Variants in WDR25 observed in about 807,000 individuals in gnomAD.
WDR25 encodes WD repeat domain 25, also known as WD repeat-containing protein 25.
A neutral mutation model predicts 47.7 loss-of-function variants in WDR25; 35 were observed. The observed-to-expected ratio is 0.73, with a 90% CI of 0.56 to 0.97. The LOEUF (loss-of-function observed/expected upper bound fraction) is 0.97, where lower values mean the gene tolerates loss of function less well. Ranked by LOEUF, WDR25 falls within the 50% of genes least tolerant of loss-of-function variation. The pLI is 0.00. For missense variants in WDR25, 634 were observed against 704.7 expected, an observed-to-expected ratio of 0.90 and a Z score of 1.14; for synonymous variants, 248 against 278.9, an observed-to-expected ratio of 0.89 and a Z score of 1.10.
At chr14:100,493,199 G>T (rs1312318665) in intron 4 of WDR25, among the ~76,000 whole-genome samples, 2 of 152,176 alleles carry the variant, frequency 1.3e-5, no homozygotes, top group Non-Finnish European at 2.9e-5. Context: ...TTCTTAGTGT[G>T]TTTGCAGGGT....
intron 2 of WDR25, among the ~76,000 whole-genome samples, chr14:100,397,607 T>C (rs1448971062): frequency 6.6e-6 from 1 of 152,160 alleles, no homozygotes; most frequent in African/African-American, 2.4e-5. Context: ...TAAGGTGCTC[T>C]GGGGCATAAA....
At chr14:100,472,306 C>A (rs1899866870) in intron 3 of WDR25, among the ~76,000 whole-genome samples, 2 of 152,254 alleles carry the variant, frequency 1.3e-5, no homozygotes, top group African/African-American at 4.8e-5. Flanking sequence ...GCAGTGCCAC[C>A]TGGGTCTACC....
At chr14:100,403,345 A>G (rs1310296450) in intron 2 of WDR25, among the ~76,000 whole-genome samples, 3 of 152,180 alleles carry the variant, frequency 2.0e-5, no homozygotes, top group African/African-American at 4.8e-5. Flanking sequence ...CTGCCTTTCC[A>G]ACCAAAGCAC....
In WDR25 at chr14:100,502,098, C is replaced by T. The variant is rs1900943389; in HGVS notation, c.1101+17974C>T. 1.3e-5 allele frequency among the ~76,000 whole-genome samples: 2 copies of T among 152,302 alleles called. No individual in the cohort carries two copies. The highest frequency in any genetic ancestry group is 4.1e-4 in the South Asian group (2 of 4,828). The stretch of plus-strand genomic sequence containing the variant: ...TTTGGGCTGTTTGATGGGGCTCACA[C>T]CTAGGAAGGCTGTCCTTGGAGGATA... On this transcript the variant is annotated intron_variant, in intron 4 of 6. Transcript: ENST00000402312. This position sits in a 1 kb window ranked among gnomAD's most constrained non-coding sequence, Gnocchi z 4.5.
chr14:100,397,521 G>C (rs576980785), intron 2 of WDR25, among the ~76,000 whole-genome samples: 2 of 152,182 alleles, frequency 1.3e-5, no homozygotes, highest in African/African-American at 2.4e-5. Context: ...TTCTGGAAAG[G>C]CTCCTGGCTC....
At chr14:100,453,782 C>T (rs1247510253) in intron 2 of WDR25, among the ~76,000 whole-genome samples, 2 of 152,244 alleles carry the variant, frequency 1.3e-5, no homozygotes, top group African/African-American at 4.8e-5. Context: ...ACACTCTCTT[C>T]AGCCCCTTCT....
intron 4 of WDR25, among the ~76,000 whole-genome samples, chr14:100,512,253 A>T (rs1287938662): frequency 6.6e-6 from 1 of 152,158 alleles, no homozygotes. Context: ...GGAAGATTTG[A>T]AATTTTAAAT....
chr14:100,408,459 A>G (rs1359969562), intron 2 of WDR25, among the ~76,000 whole-genome samples: 2 of 152,140 alleles, frequency 1.3e-5, no homozygotes, highest in African/African-American at 4.8e-5. Flanking sequence ...ACAGAAGGCC[A>G]TGTTCTCTAG....
chr14:100,420,299 C>T (rs532746315), intron 2 of WDR25, among the ~76,000 whole-genome samples: 2 of 151,888 alleles, frequency 1.3e-5, no homozygotes, highest in South Asian at 4.1e-4. Flanking sequence ...TTTTACCTTT[C>T]ACTTGTAAGC....
chr14:100,486,983 G>GC (rs1555394419), intron 4 of WDR25, among the ~76,000 whole-genome samples: 1 of 150,834 alleles, frequency 6.6e-6, no homozygotes, highest in Non-Finnish European at 1.5e-5. Context: ...TCTTCTTTCT[G>GC]TTTTTTTTTC....
Position 100,428,052 on chromosome 14 carries a change from C to T in WDR25, c.823-39969C>T, listed in dbSNP as rs78833210. Among the ~76,000 whole-genome samples, 8,995 of 152,312 alleles carry T rather than the reference C, an allele frequency of 0.059. 628 individuals carry two copies. Among genetic ancestry groups the T allele is most frequent in the African/African-American group, 0.17 (7,160 of 41,544 alleles). On this transcript the variant is annotated intron_variant, in intron 2 of 6. Transcript: ENST00000402312. The surrounding 1 kb of genome is among the most constrained non-coding windows in gnomAD (Gnocchi z 4.3). ...CCTGAGACCCTAACACGCTCCCTTT[C>T]CTTTCCTTTTTGAGGGAAGCCAGGT...
chr14:100,473,173 T>C (rs538638601), intron 3 of WDR25, among the ~76,000 whole-genome samples: 48 of 152,218 alleles, frequency 3.2e-4, no homozygotes, highest in Non-Finnish European at 4.3e-4. Flanking sequence ...GGCCCTGGGC[T>C]ATGTGCCCTG....
Position 100,530,155 on chromosome 14 carries a change from T to A in WDR25, c.*114T>A, listed in dbSNP as rs2030421573. On this transcript the variant is annotated 3_prime_UTR_variant, in exon 7 of 7. Coordinates refer to ENST00000402312, the MANE Select transcript of WDR25 (RefSeq NM_001161476.3). ...TTGGCTGTGGGTCCTGGGTACCACC[T>A]TCTGAGCCTCAGTTTCCTCATCTGT... is the stretch of plus-strand genomic sequence containing the variant. 1 of 1,050,524 alleles carries A rather than the reference T, an allele frequency of 9.5e-7. No individual in the cohort carries two copies. The highest frequency in any genetic ancestry group is 1.4e-6 in the Non-Finnish European group (1 of 733,130). The allele number at this position is 1,050,524 out of a possible 1,614,324, so 65.1% of individuals were successfully genotyped here.
intron 2 of WDR25, among the ~76,000 whole-genome samples, chr14:100,450,782 A>G (rs1899003726): frequency 6.6e-6 from 1 of 152,200 alleles, no homozygotes. Context: ...GTCTTAGGAT[A>G]AGAGAGTAGG....
intron 5 of WDR25, among the ~76,000 whole-genome samples, chr14:100,528,471 A>G (rs1408672093): frequency 2.5e-5 from 3 of 120,522 alleles, no homozygotes; most frequent in African/African-American, 1.0e-4. Context: ...GGGTTTTGCC[A>G]TGTTGCCCAG....
intron 4 of WDR25, among the ~76,000 whole-genome samples, chr14:100,517,087 C>T (rs1365891793): frequency 2.0e-5 from 3 of 147,890 alleles, no homozygotes; most frequent in African/African-American, 7.5e-5. Flanking sequence ...TGAGCCACTG[C>T]ACCTGACATA....
At chr14:100,427,357 G>A (rs1000434242) in intron 2 of WDR25, among the ~76,000 whole-genome samples, 6 of 151,978 alleles carry the variant, frequency 3.9e-5, no homozygotes, top group Non-Finnish European at 5.9e-5. Flanking sequence ...TATCTGTCCC[G>A]CTCCAAATGT....
chr14:100,481,215 T>G (rs1243786959), intron 3 of WDR25: 5 of 500,418 alleles, frequency 1.0e-5, no homozygotes, highest in African/African-American at 4.5e-5. Context: ...AATGGGGAAA[T>G]GAAAACTGAG....
Position 100,439,532 on chromosome 14 carries a change from T to A in WDR25, c.823-28489T>A, listed in dbSNP as rs116129670. Among the ~76,000 whole-genome samples, 685 of 152,306 alleles carry A rather than the reference T, an allele frequency of 4.5e-3. 4 individuals carry two copies. Among genetic ancestry groups the A allele is most frequent in the African/African-American group, 0.016 (667 of 41,552 alleles). On this transcript the variant is annotated intron_variant, in intron 2 of 6. Coordinates refer to ENST00000402312, the MANE Select transcript of WDR25 (RefSeq NM_001161476.3). ...AAAATAAGAGCCTTTGCCTGTCTTG[T>A]GAAAGTTAACTTGCAAACCTAATGC...
Sources: allele counts gnomAD v4.1 joint callset (sites outside exome capture counted in the v4.1 genomes callset), GRCh38; gene constraint gnomAD v4.1.1; non-coding constraint Gnocchi (gnomAD v3.1); transcripts MANE v1.5; gene names NCBI Gene and HGNC (gene_info 2026-07-23, HGNC 2026-07-21).